The following GRM7 variants were observed in gnomAD, a reference collection of about 807,000 sequenced individuals.
GRM7 encodes the protein glutamate metabotropic receptor 7.
Under a neutral mutation model 84.5 loss-of-function variants are expected in GRM7, and 35 were observed. The ratio of observed to expected loss-of-function variants is 0.41; its 90% CI spans 0.32 to 0.55. The LOEUF is 0.55. GRM7 is among the 20% of genes least tolerant of loss of function. The pLI is 0.19. For missense variants in GRM7, 1,003 were observed against 1,194.6 expected (o/e 0.84, Z 2.36); for synonymous variants, 487 against 455.1 (o/e 1.07, Z -0.89).
intron 1 of GRM7, among the ~76,000 whole-genome samples, chr3:6,940,773 CTATT>C (rs1341594019): frequency 6.6e-6 from 1 of 152,168 alleles, no homozygotes; most frequent in Non-Finnish European, 1.5e-5. Flanking sequence ...GCTTGGACAT[CTATT>C]TAACAGTCAT....
intron 5 of GRM7, among the ~76,000 whole-genome samples, chr3:7,449,111 G>A (rs1421936624): frequency 6.6e-6 from 1 of 152,132 alleles, no homozygotes; most frequent in East Asian, 1.9e-4. Context: ...ATTGCTCAAT[G>A]TTTGAAATTT....
chr3:7,446,098 T>A (rs1697495004), intron 5 of GRM7, among the ~76,000 whole-genome samples: 1 of 152,238 alleles, frequency 6.6e-6, no homozygotes, highest in South Asian at 2.1e-4. Flanking sequence ...TGTATGCTGT[T>A]ACTACTCAGG....
Position 7,034,439 on chromosome 3 carries a change from A to T in GRM7, c.520-112013A>T, listed in dbSNP as rs140584969. Among the ~76,000 whole-genome samples, 444 of 152,288 alleles carry T rather than the reference A, an allele frequency of 2.9e-3. 3 individuals carry two copies. Among genetic ancestry groups the T allele is most frequent in the African/African-American group, 9.8e-3 (409 of 41,568 alleles). The stretch of plus-strand genomic sequence containing the variant: ...CCACTTCTCCCAAAGCATTTACTAG[A>T]TGATAACTCCCACCAATAGAAGTAT... On this transcript the variant is annotated intron_variant, in intron 1 of 9. Transcript: ENST00000357716.
intron 2 of GRM7, among the ~76,000 whole-genome samples, chr3:7,272,152 C>G (rs1292307042): frequency 6.6e-6 from 1 of 152,112 alleles, no homozygotes; most frequent in Non-Finnish European, 1.5e-5. Context: ...TGTTTTTCCT[C>G]TCTCCCTCCG....
At chr3:6,978,815 T>C (rs1278229340) in intron 1 of GRM7, among the ~76,000 whole-genome samples, 1 of 152,174 alleles carries the variant, frequency 6.6e-6, no homozygotes, top group Non-Finnish European at 1.5e-5. Flanking sequence ...GGGACATGTG[T>C]CTGCTCTTCC....
intron 1 of GRM7, among the ~76,000 whole-genome samples, chr3:7,035,867 C>G (rs1328621511): frequency 6.6e-6 from 1 of 152,228 alleles, no homozygotes; most frequent in African/African-American, 2.4e-5. Flanking sequence ...AGCCAAGACA[C>G]AAATGTGGCT....
chr3:7,105,851 C>T (rs994525240), intron 1 of GRM7, among the ~76,000 whole-genome samples: 1 of 151,476 alleles, frequency 6.6e-6, no homozygotes, highest in Admixed American at 6.6e-5. Flanking sequence ...ATTGAATGTA[C>T]ACAATAATAT....
intron 1 of GRM7, among the ~76,000 whole-genome samples, chr3:7,053,354 G>A (rs971416378): frequency 2.6e-5 from 4 of 151,174 alleles, no homozygotes; most frequent in African/African-American, 9.7e-5. Flanking sequence ...GTTATTTTCA[G>A]TTTTTCAATG....
At chr3:7,408,892 A>C (rs1294972265) in intron 4 of GRM7, among the ~76,000 whole-genome samples, 1 of 152,100 alleles carries the variant, frequency 6.6e-6, no homozygotes, top group Non-Finnish European at 1.5e-5. Context: ...TAAATTCCTA[A>C]CTAAGATTCA....
intron 1 of GRM7, among the ~76,000 whole-genome samples, chr3:7,088,345 G>A (rs1348566852): frequency 2.6e-5 from 4 of 151,988 alleles, no homozygotes; most frequent in Non-Finnish European, 4.4e-5. Flanking sequence ...CCTTGAAGGA[G>A]GAACTAAGAG....
At chr3:6,964,743 T>G (rs1213606007) in intron 1 of GRM7, among the ~76,000 whole-genome samples, 1 of 152,208 alleles carries the variant, frequency 6.6e-6, no homozygotes, top group Admixed American at 6.5e-5. Context: ...TATTTGCAAT[T>G]TTTTATTTCT....
At chr3:7,575,890 T>C (rs1226795579) in intron 7 of GRM7, among the ~76,000 whole-genome samples, 5 of 152,230 alleles carry the variant, frequency 3.3e-5, no homozygotes, top group African/African-American at 4.8e-5. Flanking sequence ...TGCCAGGTAT[T>C]TTATTTTATT....
At chr3:7,048,432 T>C (rs1696877038) in intron 1 of GRM7, among the ~76,000 whole-genome samples, 1 of 151,962 alleles carries the variant, frequency 6.6e-6, no homozygotes, top group South Asian at 2.1e-4. Context: ...AAATGTGTGC[T>C]AAATTGATGT....
intron 8 of GRM7, among the ~76,000 whole-genome samples, chr3:7,672,596 A>G (rs1699960873): frequency 6.9e-6 from 1 of 145,110 alleles, no homozygotes; most frequent in African/African-American, 2.6e-5. Flanking sequence ...AGGAGTTTTA[A>G]TATACTTTTT....
chr3:7,444,308 A>ATACTT (rs1306699815), intron 5 of GRM7, among the ~76,000 whole-genome samples: 2 of 152,168 alleles, frequency 1.3e-5, no homozygotes, highest in East Asian at 3.8e-4. Flanking sequence ...TCTAGAAAGA[A>ATACTT]TACTTTTTCA....
At chr3:7,265,487 C>T (rs1698602853) in intron 2 of GRM7, among the ~76,000 whole-genome samples, 1 of 152,164 alleles carries the variant, frequency 6.6e-6, no homozygotes, top group African/African-American at 2.4e-5. Context: ...AATTCTGTCT[C>T]ATGACCTTGA....
intron 1 of GRM7, among the ~76,000 whole-genome samples, chr3:6,998,384 C>T (rs904577427): frequency 6.6e-6 from 1 of 152,120 alleles, no homozygotes; most frequent in Non-Finnish European, 1.5e-5. Flanking sequence ...GGTACAGTCC[C>T]CCCCAAAGTT....
At chr3:7,410,476 G>A (rs1575295022) in intron 4 of GRM7, among the ~76,000 whole-genome samples, 1 of 152,108 alleles carries the variant, frequency 6.6e-6, no homozygotes, top group East Asian at 1.9e-4. Flanking sequence ...AGGAGGCTGA[G>A]GTGGGAGGAT....
intron 1 of GRM7, among the ~76,000 whole-genome samples, chr3:7,025,036 G>T (rs1334702971): frequency 2.0e-5 from 3 of 152,164 alleles, no homozygotes; most frequent in African/African-American, 7.2e-5. Flanking sequence ...CCCTTTTCAA[G>T]TTTTAGAGAC....
Sources: allele counts gnomAD v4.1 joint callset (sites outside exome capture counted in the v4.1 genomes callset), GRCh38; gene constraint gnomAD v4.1.1; transcripts MANE v1.5; gene names NCBI Gene and HGNC (gene_info 2026-07-23, HGNC 2026-07-21).